Variants in CCDC171 observed in about 807,000 individuals in gnomAD.
CCDC171 encodes coiled-coil domain containing 171, also known as coiled-coil domain-containing protein 171.
CCDC171 carries 177 observed loss-of-function variants against 168.2 expected under a neutral mutation model. The observed-to-expected ratio is 1.05, with a 90% CI of 0.93 to 1.19. The LOEUF (loss-of-function observed/expected upper bound fraction) is 1.19, where lower values mean the gene tolerates loss of function less well. Among genes scored for constraint, CCDC171 ranks in the 50% most tolerant of loss-of-function variants. CCDC171 has a pLI of 0.00. For synonymous variants in CCDC171, 687 were observed against 540.8 expected, an observed-to-expected ratio of 1.27 and a Z score of -3.75; for missense variants, 1,991 against 1,539.0, an observed-to-expected ratio of 1.29 and a Z score of -4.91.
At chr9:15,574,739 C>T (rs1030411023) in intron 3 of CCDC171, among the ~76,000 whole-genome samples, 10 of 152,328 alleles carry the variant, frequency 6.6e-5, no homozygotes, top group South Asian at 4.1e-4. Flanking sequence ...ATTCCTAATG[C>T]GAACACAAAT....
At chr9:16,008,450 C>T (rs981515810) in intron 3 of CCDC171, among the ~76,000 whole-genome samples, 1 of 152,166 alleles carries the variant, frequency 6.6e-6, no homozygotes, top group Admixed American at 6.5e-5. Context: ...TCCCTTTAAT[C>T]TCATCTAATA....
intron 24 of CCDC171, among the ~76,000 whole-genome samples, chr9:15,891,026 A>G (rs995819480): frequency 6.6e-6 from 1 of 152,130 alleles, no homozygotes; most frequent in Non-Finnish European, 1.5e-5. Flanking sequence ...AGGTATATTG[A>G]AAATTGTTCA....
intron 3 of CCDC171, among the ~76,000 whole-genome samples, chr9:16,008,181 T>G (rs1408775810): frequency 6.6e-6 from 1 of 152,172 alleles, no homozygotes; most frequent in Non-Finnish European, 1.5e-5. Context: ...TTTATCCCTG[T>G]TTTCTTCCAA....
chr9:15,645,582 G>A (rs933325069), intron 7 of CCDC171, among the ~76,000 whole-genome samples: 3 of 152,170 alleles, frequency 2.0e-5, no homozygotes, highest in African/African-American at 7.2e-5. Context: ...ACCATGGCAC[G>A]AGAACTACGT....
the CCDC171 span, among the ~76,000 whole-genome samples, chr9:16,077,345 T>C: frequency 6.6e-6 from 1 of 152,114 alleles, no homozygotes; most frequent in South Asian, 2.1e-4. Flanking sequence ...AAATCATTGG[T>C]CCCAATTCTC....
intron 7 of CCDC171, among the ~76,000 whole-genome samples, chr9:15,633,382 GAAAAGTAGACATTTATGCAGCCA>G (rs1471286392): frequency 2.0e-5 from 3 of 152,030 alleles, no homozygotes; most frequent in Non-Finnish European, 4.4e-5. Context: ...AGACACTTCT[GAAAAGTAGACATTTATGCAGCCA>G]AAAAAACACA....
At chr9:15,905,563 G>A (rs887680462) in intron 24 of CCDC171, among the ~76,000 whole-genome samples, 1 of 152,070 alleles carries the variant, frequency 6.6e-6, no homozygotes, top group Non-Finnish European at 1.5e-5. Context: ...GCCCACAAGA[G>A]AAAGCAGGAA....
intron 5 of CCDC171, among the ~76,000 whole-genome samples, chr9:15,593,800 T>C (rs1171169508): frequency 6.6e-6 from 1 of 151,996 alleles, no homozygotes. Flanking sequence ...ACATATTATA[T>C]ATAGGTAATA....
chr9:16,042,557 T>G (rs973173129), upstream of CCDC171, among the ~76,000 whole-genome samples: 3 of 152,128 alleles, frequency 2.0e-5, no homozygotes, highest in African/African-American at 7.2e-5. Context: ...GACAAAGTGT[T>G]AAGAGGATTA....
At chr9:15,717,807 C>G (rs1414441722) in intron 11 of CCDC171, among the ~76,000 whole-genome samples, 1 of 152,060 alleles carries the variant, frequency 6.6e-6, no homozygotes, top group African/African-American at 2.4e-5. Context: ...CTAAAGAGCC[C>G]CTGGGGCCTG....
intron 24 of CCDC171, among the ~76,000 whole-genome samples, chr9:15,907,625 A>G (rs1822890830): frequency 6.6e-6 from 1 of 152,208 alleles, no homozygotes; most frequent in African/African-American, 2.4e-5. Context: ...AAAACACCAA[A>G]AGCAATGGCA....
chr9:16,030,912 C>T (rs929439408), intron 6 of CCDC171, among the ~76,000 whole-genome samples: 1 of 152,140 alleles, frequency 6.6e-6, no homozygotes, highest in Non-Finnish European at 1.5e-5. Flanking sequence ...TAATGGACTT[C>T]AAAGCAGAAA....
At chr9:15,699,513 C>A (rs934958528) in intron 11 of CCDC171, among the ~76,000 whole-genome samples, 3 of 152,142 alleles carry the variant, frequency 2.0e-5, no homozygotes, top group African/African-American at 7.2e-5. Context: ...GCCAAGTGGT[C>A]TGTTTTGACA....
chr9:15,984,036 T>C (rs1006978958), intron 3 of CCDC171, among the ~76,000 whole-genome samples: 10 of 67,096 alleles, frequency 1.5e-4, no homozygotes. Context: ...TGTAGTCCTC[T>C]GTATCAGAAT....
intron 24 of CCDC171, among the ~76,000 whole-genome samples, chr9:15,897,909 T>A (rs1435944750): frequency 1.3e-5 from 2 of 152,170 alleles, no homozygotes; most frequent in Non-Finnish European, 2.9e-5. Context: ...AGGCATGGAT[T>A]TGAATCCCAA....
intron 23 of CCDC171, among the ~76,000 whole-genome samples, chr9:15,863,169 CA>C (rs2061631527): frequency 6.6e-6 from 1 of 152,036 alleles, no homozygotes; most frequent in South Asian, 2.1e-4. Flanking sequence ...ACATTGTACG[CA>C]CAGTCCAATT....
chr9:16,096,128 GTTTTA>G, the CCDC171 span, among the ~76,000 whole-genome samples: 1 of 151,956 alleles, frequency 6.6e-6, no homozygotes, highest in Non-Finnish European at 1.5e-5. Context: ...ATTTATTCAT[GTTTTA>G]TTTAATTACT....
intron 25 of CCDC171, among the ~76,000 whole-genome samples, chr9:15,963,490 T>G (rs1272200014): frequency 6.6e-6 from 1 of 152,154 alleles, no homozygotes; most frequent in Non-Finnish European, 1.5e-5. Context: ...GGAAGATACA[T>G]TTAAATTTTT....
At chr9:15,643,437 C>T (rs1020226108) in intron 7 of CCDC171, among the ~76,000 whole-genome samples, 2 of 152,116 alleles carry the variant, frequency 1.3e-5, no homozygotes, top group African/African-American at 2.4e-5. Context: ...CTCTGGGGGA[C>T]CCTTGTTCTA....
Sources: gnomAD v4.1 joint callset for allele counts (sites outside exome capture counted in the v4.1 genomes callset) on GRCh38, gnomAD v4.1.1 for gene constraint, MANE v1.5 for transcripts, NCBI Gene and HGNC (gene_info 2026-07-23, HGNC 2026-07-21) for gene names.